ALDH1L1: variants seen among roughly 807,000 people sequenced by gnomAD.
The protein encoded by ALDH1L1 is aldehyde dehydrogenase 1 family member L1.
ALDH1L1 carries 68 observed loss-of-function variants against 101.1 expected under a neutral mutation model. That is an observed-to-expected ratio of 0.67 (90% confidence interval 0.55 to 0.82). The LOEUF (loss-of-function observed/expected upper bound fraction) is 0.82, where lower values mean the gene tolerates loss of function less well. Among genes scored for constraint, ALDH1L1 ranks in the 40% least tolerant of loss-of-function variants. The probability of loss-of-function intolerance (pLI) is 0.00; values close to 1 mark genes in which losing one functional copy is unlikely to be tolerated. For synonymous variants in ALDH1L1, 486 were observed against 470.8 expected, an observed-to-expected ratio of 1.03 and a Z score of -0.42; for missense variants, 1,087 against 1,172.7, an observed-to-expected ratio of 0.93 and a Z score of 1.07.
At chr3:126,117,627 G>C (rs72965974) in intron 17 of ALDH1L1, among the ~76,000 whole-genome samples, 1,788 of 151,258 alleles carry the variant, frequency 0.012, 37 homozygotes, top group African/African-American at 0.041. Context: ...ACTCCACCAT[G>C]AGTGACAGAT....
intron 7 of ALDH1L1, chr3:126,152,063 G>C (rs1280005180): frequency 6.6e-6 from 1 of 152,482 alleles, no homozygotes; most frequent in Non-Finnish European, 1.5e-5. Context: ...GCAAGGGCTG[G>C]ATGATAACGG....
chr3:126,173,997 T>C (rs1429399483), intron 1 of ALDH1L1, among the ~76,000 whole-genome samples: 1 of 152,194 alleles, frequency 6.6e-6, no homozygotes, highest in African/African-American at 2.4e-5. Flanking sequence ...GAATCCACTA[T>C]TATTACAGTT....
At chr3:126,174,072 C>T (rs2081331186) in intron 1 of ALDH1L1, among the ~76,000 whole-genome samples, 1 of 152,186 alleles carries the variant, frequency 6.6e-6, no homozygotes, top group African/African-American at 2.4e-5. Context: ...GAGTTTCACT[C>T]TTGTTGCCCA....
intron 1 of ALDH1L1, among the ~76,000 whole-genome samples, chr3:126,188,867 A>C (rs2081536121): frequency 6.6e-6 from 1 of 152,226 alleles, no homozygotes; most frequent in African/African-American, 2.4e-5. Flanking sequence ...CCCATGAAAC[A>C]AATCAACTAC....
At chr3:126,133,380 G>A (rs539282738) in intron 12 of ALDH1L1, among the ~76,000 whole-genome samples, 1 of 152,262 alleles carries the variant, frequency 6.6e-6, no homozygotes, top group South Asian at 2.1e-4. Flanking sequence ...CTCACTGCTC[G>A]TCTCCTGCAA....
At position 126,157,461 on chromosome 3, in the gene ALDH1L1, G is replaced by A. The variant is rs1158482557; in HGVS notation, c.410C>T (p.Ala137Val). Residue 137 changes from alanine (A) to valine (V), a missense_variant, in exon 4 of 23, where the codon GCG becomes GTG. By Grantham distance (64) the Ala-to-Val change is moderately conservative (BLOSUM62 0). Transcript: ENST00000393434. ...DKKGGFSIFWADDGLDTGDLL... is the reference protein window; with the variant it reads ...DKKGGFSIFWVDDGLDTGDLL... ...GTCTCCGGTGTCCAGACCATCATCC[G>A]CCCAGAAGATGGAAAACCCCCCTTT... The A allele has an allele frequency of 1.2e-6, 2 of 1,613,894 alleles. No individual in the cohort carries two copies. The highest frequency in any genetic ancestry group is 1.3e-5 in the African/African-American group (1 of 74,866).
At chr3:126,154,845 C>T (rs2080874001) in intron 5 of ALDH1L1, among the ~76,000 whole-genome samples, 1 of 152,184 alleles carries the variant, frequency 6.6e-6, no homozygotes, top group Non-Finnish European at 1.5e-5. Context: ...GAGCAGACTT[C>T]AGAATGGTTT....
intron 14 of ALDH1L1, chr3:126,129,949 C>T (rs746349399): frequency 3.6e-6 from 1 of 277,312 alleles, no homozygotes; most frequent in Non-Finnish European, 6.7e-6. Context: ...TCTTTATGAA[C>T]ACTGACCACC....
Position 126,112,797 on chromosome 3 carries a change from C to T in ALDH1L1, c.2166G>A (p.Glu722=), listed in dbSNP as rs752498048. 4 of 1,613,378 alleles carry T rather than the reference C, an allele frequency of 2.5e-6. No homozygotes were observed. The highest frequency in any genetic ancestry group is 2.5e-6 in the Non-Finnish European group (3 of 1,180,030). Residue 722 remains glutamate (E), a synonymous_variant, in exon 19 of 23, where the codon GAG becomes GAA. Coordinates refer to ENST00000393434, the MANE Select transcript of ALDH1L1 (RefSeq NM_012190.4). ...CAGGACTTACCACTCTCCGCACGAA[C>T]TCATCATGAATGGAGTCCTCCACAA... is the stretch of plus-strand genomic sequence containing the variant. The part of the protein sequence containing the change: ...RLFVEDSIHD[E]FVRRVVEEVR...
At chr3:126,125,833 T>C (rs2080171572) in intron 14 of ALDH1L1, 112 bp from the exon 15 acceptor site, 2 of 749,568 alleles carry the variant, frequency 2.7e-6, no homozygotes, top group Admixed American at 3.8e-5. Context: ...AAAGCCAGGC[T>C]TCCTGATAAG....
At chr3:126,134,861 TTCTCCCA>T (rs2080394776) in intron 12 of ALDH1L1, among the ~76,000 whole-genome samples, 4 of 152,056 alleles carry the variant, frequency 2.6e-5, no homozygotes, top group Admixed American at 2.6e-4. Context: ...GCACCCTCTC[TTCTCCCA>T]GGAACATCAC....
upstream of ALDH1L1, among the ~76,000 whole-genome samples, chr3:126,185,340 G>A (rs1291538279): frequency 1.3e-5 from 2 of 152,242 alleles, no homozygotes; most frequent in African/African-American, 4.8e-5. Context: ...AATGAGCAAA[G>A]AGGAGGCAGG....
At chr3:126,147,314 G>C (rs1298965612) in intron 8 of ALDH1L1, among the ~76,000 whole-genome samples, 1 of 152,230 alleles carries the variant, frequency 6.6e-6, no homozygotes. Flanking sequence ...CTAGCGCCCA[G>C]GTTCTGGTGT....
upstream of ALDH1L1, among the ~76,000 whole-genome samples, chr3:126,184,344 C>G (rs938379210): frequency 1.3e-5 from 2 of 152,252 alleles, no homozygotes; most frequent in Admixed American, 1.3e-4. Context: ...CTGACCCCAA[C>G]CTTCTCCTTG....
At chr3:126,133,403 T>G (rs1332626414) in intron 12 of ALDH1L1, among the ~76,000 whole-genome samples, 1 of 152,172 alleles carries the variant, frequency 6.6e-6, no homozygotes, top group Non-Finnish European at 1.5e-5. Context: ...CTACCCAACC[T>G]GCAGCCCACT....
chr3:126,153,243 A>G lies in ALDH1L1; in HGVS notation c.858+201T>C, dbSNP rs1331438693. ...AGGGAGCCCAGCTTTCCCAGAACAG[A>G]GAAGTGGGTAAACTGCCTCGGACAC... On this transcript the variant is annotated intron_variant, in intron 7 of 22. Transcript: ENST00000393434. The G allele has an allele frequency of 4.0e-6, 3 of 751,108 alleles. No individual in the cohort carries two copies. In the African/African-American group the frequency reaches 5.2e-5, roughly 13 times the overall value. 46.5% of individuals were successfully genotyped at this position (751,108 alleles called of 1,614,324 possible).
intron 18 of ALDH1L1, among the ~76,000 whole-genome samples, chr3:126,113,177 G>C (rs1946135920): frequency 6.6e-6 from 1 of 152,238 alleles, no homozygotes; most frequent in Non-Finnish European, 1.5e-5. Flanking sequence ...AAGTGGGAGT[G>C]AGCCTTGGCC....
intron 1 of ALDH1L1, among the ~76,000 whole-genome samples, chr3:126,162,158 T>C (rs1314053572): frequency 6.6e-6 from 1 of 152,210 alleles, no homozygotes; most frequent in African/African-American, 2.4e-5. Context: ...GTATTACAAA[T>C]AGGATGCTAC....
chr3:126,131,103 C>T (rs3821452), intron 13 of ALDH1L1, among the ~76,000 whole-genome samples: 1 of 152,066 alleles, frequency 6.6e-6, no homozygotes, highest in South Asian at 2.1e-4. Context: ...TGTCAACACC[C>T]GAACTCGTCT....
Sources: allele counts gnomAD v4.1 joint callset (sites outside exome capture counted in the v4.1 genomes callset), GRCh38; gene constraint gnomAD v4.1.1; transcripts MANE v1.5; gene names NCBI Gene and HGNC (gene_info 2026-07-23, HGNC 2026-07-21).